Variants in EIF1B observed in about 807,000 individuals in gnomAD.
The protein encoded by EIF1B is eukaryotic translation initiation factor 1B.
A neutral mutation model predicts 14.8 loss-of-function variants in EIF1B; 5 were observed. That is an observed-to-expected ratio of 0.34 (90% CI 0.18 to 0.71). The LOEUF (loss-of-function observed/expected upper bound fraction) is 0.71. EIF1B is among the 30% of genes least tolerant of loss of function. EIF1B has a pLI of 0.64. For synonymous variants in EIF1B, 45 were observed against 45.8 expected (o/e 0.98, Z 0.07); for missense variants, 56 against 134.0 (o/e 0.42, Z 2.87).
At chr3:40,311,636 A>G in intron 3 of EIF1B, 65 bp downstream of exon 3, 3 of 1,306,784 alleles carry the variant, frequency 2.3e-6, no homozygotes, top group Non-Finnish European at 3.3e-6. Context: ...TAAAGGCAAC[A>G]TGATTTGTTT....
At chr3:40,310,281 A>G (rs951658950) in intron 1 of EIF1B, among the ~76,000 whole-genome samples, 4 of 152,198 alleles carry the variant, frequency 2.6e-5, no homozygotes, top group Non-Finnish European at 5.9e-5. Context: ...GTGGACTCCT[A>G]GATCGGCCCT....
At chr3:40,311,913 T>G (rs551097786) in intron 3 of EIF1B, 57 bp from the exon 4 acceptor site, 1 of 1,296,050 alleles carries the variant, frequency 7.7e-7, no homozygotes, top group East Asian at 2.3e-5. Flanking sequence ...CCATGTTTTC[T>G]TAATGAATTT....
chr3:40,310,741 C>T, intron 1 of EIF1B, 152 bp from the exon 2 acceptor site: 1 of 680,814 alleles, frequency 1.5e-6, no homozygotes, highest in Non-Finnish European at 2.4e-6. Context: ...AATACTCCAC[C>T]CCCATCTCCA....
Position 40,310,933 on chromosome 3 carries a change from G to A in EIF1B, c.72G>A (p.Pro24=). 1.2e-6 allele frequency: 2 copies of A among 1,612,276 alleles called. No individual in the cohort carries two copies. The highest frequency in any genetic ancestry group is 2.2e-5 in the East Asian group (1 of 44,816). The change falls in exon 2 of 4, where the codon CCG becomes CCA. Residue 24 remains proline, a synonymous_variant. Coordinates refer to ENST00000232905, the MANE Select transcript of EIF1B (RefSeq NM_005875.3). ...ADATKGDDLL[P]AGTEDYIHIR... ...CAACTAAGGGTGACGACTTACTCCC[G>A]GCAGGGACTGAGGATTACATTCATA...
intron 3 of EIF1B, 98 bp downstream of exon 3, chr3:40,311,669 G>A (rs1002083067): frequency 5.7e-5 from 56 of 981,982 alleles, no homozygotes; most frequent in African/African-American, 5.1e-4. Context: ...AAAATCATAC[G>A]AATGAAGGAA....
chr3:40,311,188 A>G (rs779667944), intron 2 of EIF1B, 132 bp downstream of exon 2: 18 of 860,914 alleles, frequency 2.1e-5, no homozygotes, highest in South Asian at 1.6e-4. Context: ...TGTAATTAAC[A>G]TGTAAATATT....
At position 40,310,932 on chromosome 3, in the gene EIF1B, C is replaced by A; in HGVS notation, c.71C>A (p.Pro24Gln). Residue 24 changes from proline (P) to glutamine (Q), a missense_variant, in exon 2 of 4, where the codon CCG becomes CAG. This residue lies in a region of EIF1B where 20 missense variants were observed against 29.2 expected (regional missense o/e 0.69). Transcript: ENST00000232905. Reference protein sequence around the residue: ...ADATKGDDLLPAGTEDYIHIR... With the variant: ...ADATKGDDLLQAGTEDYIHIR... ...GCAACTAAGGGTGACGACTTACTCC[C>A]GGCAGGGACTGAGGATTACATTCAT... 6.2e-7 allele frequency: 1 copy of A among 1,612,862 alleles called. No individual in the cohort carries two copies. Among genetic ancestry groups the A allele is most frequent in the Non-Finnish European group, 8.5e-7 (1 of 1,179,454 alleles).
Position 40,309,717 on chromosome 3 carries a change from A to AGCGCCGCCTCTTCTCTC in EIF1B, c.-219_-203dup. 4 of 556,530 alleles carry AGCGCCGCCTCTTCTCTC rather than the reference A, an allele frequency of 7.2e-6. No individual in the cohort carries two copies. The Admixed American group carries it at 9.5e-5, about 13-fold the overall frequency. 34.5% of individuals were successfully genotyped at this position (556,530 alleles called of 1,614,324 possible). The stretch of plus-strand genomic sequence containing the variant: ...TCGGCCATTTTGTGCGAGAAGCCGC[A>AGCGCCGCCTCTTCTCTC]GCGCCGCCTCTTCTCTCGCGCCCTC... On this transcript the variant is annotated 5_prime_UTR_variant, in exon 1 of 4. Transcript: ENST00000232905.
In EIF1B at chr3:40,312,254, T is replaced by C. The variant is rs1385176169; in HGVS notation, c.*240T>C. 1 of 453,286 alleles carries C rather than the reference T, an allele frequency of 2.2e-6. No individual in the cohort carries two copies. The highest frequency in any genetic ancestry group is 3.9e-6 in the Non-Finnish European group (1 of 257,504). The allele number at this position is 453,286 out of a possible 1,614,324, so 28.1% of individuals were successfully genotyped here. A position where few individuals can be genotyped will look rare whatever the true frequency, so the allele number is the denominator to read the frequency against. On this transcript the variant is annotated 3_prime_UTR_variant, in exon 4 of 4. Coordinates refer to ENST00000232905, the MANE Select transcript of EIF1B (RefSeq NM_005875.3). Reference sequence around the variant, plus strand: ...GTCTTTACATGTTTCCAATGGAAAATGTTTTGAGTGTTTATTGTTCAGTTT... The same window carrying C: ...GTCTTTACATGTTTCCAATGGAAAACGTTTTGAGTGTTTATTGTTCAGTTT...
At chr3:40,311,415 A>G in intron 2 of EIF1B, 55 bp from the exon 3 acceptor site, 1 of 1,303,826 alleles carries the variant, frequency 7.7e-7, no homozygotes, top group Non-Finnish European at 1.1e-6. Context: ...ATACGGTGAA[A>G]TAAAACCTCA....
chr3:40,310,191 C>A (rs1190284972), intron 1 of EIF1B, among the ~76,000 whole-genome samples: 2 of 152,250 alleles, frequency 1.3e-5, no homozygotes, highest in African/African-American at 4.8e-5. Context: ...CGGCCGCGGG[C>A]CCTGCGCCAC....
intron 1 of EIF1B, among the ~76,000 whole-genome samples, chr3:40,310,446 A>G (rs1954310200): frequency 6.6e-6 from 1 of 151,614 alleles, no homozygotes; most frequent in South Asian, 2.1e-4. Flanking sequence ...GCAATTTGTT[A>G]AATTACGCCT....
In EIF1B at chr3:40,312,104, C is replaced by T. The variant is rs1231913460; in HGVS notation, c.*90C>T. On this transcript the variant is annotated 3_prime_UTR_variant, in exon 4 of 4. Coordinates refer to ENST00000232905, the MANE Select transcript of EIF1B (RefSeq NM_005875.3). ...TTGTGAAATGATTCCCTGCAGTAAA[C>T]GGACTTTTCATTTATTTAATCATTC... 1.2e-5 allele frequency: 11 copies of T among 897,552 alleles called. No individual in the cohort carries two copies. The highest frequency in any genetic ancestry group is 4.0e-5 in the Admixed American group (2 of 49,930). 55.6% of individuals were successfully genotyped at this position (897,552 alleles called of 1,614,324 possible). A position where few individuals can be genotyped will look rare whatever the true frequency, so the allele number is the denominator to read the frequency against.
chr3:40,311,747 T>G, intron 3 of EIF1B, 176 bp downstream of exon 3: 1 of 664,412 alleles, frequency 1.5e-6, no homozygotes, highest in Non-Finnish European at 2.6e-6. Flanking sequence ...ATTTTGTCAT[T>G]AGAGTATTCT....
Position 40,309,837 on chromosome 3 carries a change from T to G in EIF1B, c.-105T>G, listed in dbSNP as rs1301454264. 1.5e-6 allele frequency: 2 copies of G among 1,376,816 alleles called. No individual in the cohort carries two copies. Among genetic ancestry groups the G allele is most frequent in the Non-Finnish European group, 2.1e-6 (2 of 973,092 alleles). 85.3% of individuals were successfully genotyped at this position (1,376,816 alleles called of 1,614,324 possible). A position where few individuals can be genotyped will look rare whatever the true frequency, so the allele number is the denominator to read the frequency against. Reference sequence around the variant, plus strand: ...TAATCCCAACCCCAGGGCGAAGCGTTTTCTTATTTATTTCCGTTTTCTCGC... The same window carrying G: ...TAATCCCAACCCCAGGGCGAAGCGTGTTCTTATTTATTTCCGTTTTCTCGC... On this transcript the variant is annotated 5_prime_UTR_variant, in exon 1 of 4. Coordinates refer to ENST00000232905, the MANE Select transcript of EIF1B (RefSeq NM_005875.3).
Position 40,312,308 on chromosome 3 carries a change from G to A in EIF1B, c.*294G>A. Reference sequence around the variant, plus strand: ...ACGTTTCACTTGATTAAATTTTTTTGTTGTTGTATTAAACCATGTACGTTG... The same window carrying A: ...ACGTTTCACTTGATTAAATTTTTTTATTGTTGTATTAAACCATGTACGTTG... On this transcript the variant is annotated 3_prime_UTR_variant, in exon 4 of 4. Coordinates refer to ENST00000232905, the MANE Select transcript of EIF1B (RefSeq NM_005875.3). 1 of 252,414 alleles carries A rather than the reference G, an allele frequency of 4.0e-6. No homozygotes were observed. The allele number at this position is 252,414 out of a possible 1,614,324, so 15.6% of individuals were successfully genotyped here. A position where few individuals can be genotyped will look rare whatever the true frequency, so the allele number is the denominator to read the frequency against.
intron 1 of EIF1B, chr3:40,310,649 T>A (rs1181744702): frequency 9.6e-5 from 33 of 342,374 alleles, no homozygotes; most frequent in Non-Finnish European, 1.0e-5. Flanking sequence ...ATAACATTAT[T>A]TATCTATAAC....
chr3:40,311,912 C>T, intron 3 of EIF1B, 58 bp from the exon 4 acceptor site: 1 of 1,298,094 alleles, frequency 7.7e-7, no homozygotes, highest in Non-Finnish European at 1.1e-6. Context: ...TCCATGTTTT[C>T]TTAATGAATT....
At chr3:40,310,398 T>G (rs1189925639) in intron 1 of EIF1B, among the ~76,000 whole-genome samples, 2 of 152,192 alleles carry the variant, frequency 1.3e-5, no homozygotes, top group African/African-American at 4.8e-5. Flanking sequence ...GCCTCTGATC[T>G]GTCACTGGCC....
Sources: allele counts gnomAD v4.1 joint callset (sites outside exome capture counted in the v4.1 genomes callset), GRCh38; gene constraint gnomAD v4.1.1; regional missense constraint gnomAD v4.1.1; transcripts MANE v1.5; gene names NCBI Gene and HGNC (gene_info 2026-07-23, HGNC 2026-07-21).